The following DHX57 variants were observed in gnomAD, a reference collection of about 807,000 sequenced individuals.
DHX57 encodes DExH-box helicase 57.
A neutral mutation model predicts 156.2 loss-of-function variants in DHX57; 105 were observed. The ratio of observed to expected loss-of-function variants is 0.67; its 90% CI spans 0.57 to 0.79. The LOEUF (loss-of-function observed/expected upper bound fraction) is 0.79. Among genes scored for constraint, DHX57 ranks in the 30% least tolerant of loss-of-function variants. DHX57 has a pLI of 0.00. For synonymous variants in DHX57, 704 were observed against 595.6 expected (o/e 1.18, Z -2.65); for missense variants, 1,847 against 1,661.9 (o/e 1.11, Z -1.94).
intron 2 of DHX57, among the ~76,000 whole-genome samples, chr2:38,864,702 C>T (rs1664966188): frequency 6.6e-6 from 1 of 152,148 alleles, no homozygotes; most frequent in African/African-American, 2.4e-5. Context: ...AAGCCAAATC[C>T]TCCCTTGAGT....
intron 6 of DHX57, among the ~76,000 whole-genome samples, chr2:38,857,405 T>C (rs553712214): frequency 6.6e-6 from 1 of 152,340 alleles, no homozygotes; most frequent in African/African-American, 2.4e-5. Context: ...GGCTATACTT[T>C]TGAATACTGT....
intron 12 of DHX57, among the ~76,000 whole-genome samples, chr2:38,842,157 T>G (rs1392608840): frequency 6.6e-6 from 1 of 152,214 alleles, no homozygotes; most frequent in African/African-American, 2.4e-5. Flanking sequence ...AGATCGTTTT[T>G]GTGATGCTCC....
At chr2:38,803,428 C>T (rs933297891) in intron 22 of DHX57, among the ~76,000 whole-genome samples, 1 of 152,126 alleles carries the variant, frequency 6.6e-6, no homozygotes, top group Non-Finnish European at 1.5e-5. Flanking sequence ...TAAGTCTAGT[C>T]AGCTCTCTTT....
At chr2:38,827,211 C>G (rs1425340327) in intron 14 of DHX57, among the ~76,000 whole-genome samples, 1 of 151,622 alleles carries the variant, frequency 6.6e-6, no homozygotes, top group Non-Finnish European at 1.5e-5. Context: ...GTTCTAGGAA[C>G]CAAAAACCTC....
rs1226786553 is a variant in DHX57, at chr2:38,826,497, T to A, written c.2813+19A>T. On this transcript the variant is annotated intron_variant, in intron 15 of 23. Transcript: ENST00000457308. Reference sequence around the variant, plus strand: ...AAGCATTTTTAGCCCCTCTCTTACATCACCACAAGACGGAATACCTCTTTT... The same window carrying A: ...AAGCATTTTTAGCCCCTCTCTTACAACACCACAAGACGGAATACCTCTTTT... 1 of 1,609,000 alleles carries A rather than the reference T, an allele frequency of 6.2e-7. No homozygotes were observed. The highest frequency in any genetic ancestry group is 1.7e-4 in the Middle Eastern group (1 of 6,048).
At position 38,798,264 on chromosome 2, in the gene DHX57, G is replaced by A; in HGVS notation, c.*35C>T. 1 of 1,588,768 alleles carries A rather than the reference G, an allele frequency of 6.3e-7. No homozygotes were observed. Among genetic ancestry groups the A allele is most frequent in the South Asian group, 1.2e-5 (1 of 86,672 alleles). ...CTGTTATTTCCCAGGTGAGCTAGAAGCAGGTGAGTAGCAAGCACTCTCTAA... is the reference window on the plus strand; with the variant it reads ...CTGTTATTTCCCAGGTGAGCTAGAAACAGGTGAGTAGCAAGCACTCTCTAA... On this transcript the variant is annotated 3_prime_UTR_variant, in exon 24 of 24. Transcript: ENST00000457308.
At chr2:38,845,510 T>C (rs1171328811) in intron 11 of DHX57, among the ~76,000 whole-genome samples, 2 of 152,168 alleles carry the variant, frequency 1.3e-5, no homozygotes, top group African/African-American at 4.8e-5. Context: ...TTCTGACTTG[T>C]ATTTAAGCTG....
At chr2:38,810,693 G>T in intron 21 of DHX57, 1 of 716,382 alleles carries the variant, frequency 1.4e-6, no homozygotes, top group Non-Finnish European at 2.5e-6. Flanking sequence ...CACACTGAGG[G>T]TTGTGCCAGA....
chr2:38,858,180 G>C (rs1400622427), intron 6 of DHX57, among the ~76,000 whole-genome samples: 5 of 152,158 alleles, frequency 3.3e-5, no homozygotes, highest in African/African-American at 1.2e-4. Context: ...TTGTGCCTCA[G>C]CCTCCCAAGT....
At chr2:38,862,006 G>C in intron 4 of DHX57, 139 bp downstream of exon 4, 1 of 1,230,492 alleles carries the variant, frequency 8.1e-7, no homozygotes, top group South Asian at 1.7e-5. Flanking sequence ...GACCCCTTCT[G>C]ATAAGATAGA....
intron 1 of DHX57, among the ~76,000 whole-genome samples, chr2:38,874,783 A>T (rs1307105154): frequency 6.6e-6 from 1 of 152,214 alleles, no homozygotes; most frequent in Non-Finnish European, 1.5e-5. Flanking sequence ...GTTCATACCC[A>T]TGTTGTTCAA....
At chr2:38,874,328 C>T (rs1447322527) in intron 1 of DHX57, among the ~76,000 whole-genome samples, 1 of 151,798 alleles carries the variant, frequency 6.6e-6, no homozygotes, top group Non-Finnish European at 1.5e-5. Flanking sequence ...TGAGCTCAAG[C>T]AATCGTCTCA....
At chr2:38,836,516 G>T (rs541367090) in intron 13 of DHX57, among the ~76,000 whole-genome samples, 1 of 152,162 alleles carries the variant, frequency 6.6e-6, no homozygotes, top group African/African-American at 2.4e-5. Flanking sequence ...GCTCACGCCT[G>T]TAATCCCAGC....
intron 9 of DHX57, among the ~76,000 whole-genome samples, chr2:38,848,650 T>G (rs1207083829): frequency 1.3e-5 from 2 of 152,214 alleles, no homozygotes; most frequent in East Asian, 3.8e-4. Context: ...TTTAGAATAG[T>G]TGCATATACA....
intron 23 of DHX57, among the ~76,000 whole-genome samples, chr2:38,799,677 G>C (rs1219640946): frequency 1.3e-5 from 2 of 148,682 alleles, no homozygotes; most frequent in Admixed American, 6.8e-5. Flanking sequence ...TTGAACCCAG[G>C]AGGCAGAGGT....
At chr2:38,819,450 A>G (rs1298394297) in intron 17 of DHX57, among the ~76,000 whole-genome samples, 1 of 152,252 alleles carries the variant, frequency 6.6e-6, no homozygotes, top group African/African-American at 2.4e-5. Flanking sequence ...TGCTGGCATT[A>G]TAGGCATGAG....
intron 17 of DHX57, among the ~76,000 whole-genome samples, chr2:38,819,730 A>G (rs1194131356): frequency 6.6e-6 from 1 of 152,192 alleles, no homozygotes; most frequent in Non-Finnish European, 1.5e-5. Flanking sequence ...AGCTATATCT[A>G]AAACCTAACA....
chr2:38,837,481 C>A (rs1295385996), intron 13 of DHX57, among the ~76,000 whole-genome samples: 1 of 151,568 alleles, frequency 6.6e-6, no homozygotes, highest in African/African-American at 2.4e-5. Context: ...TGTGGTGGCA[C>A]ATGCTTGTAA....
chr2:38,809,316 G>A (rs542292546), intron 21 of DHX57, among the ~76,000 whole-genome samples: 6 of 151,420 alleles, frequency 4.0e-5, no homozygotes, highest in Admixed American at 3.3e-4. Context: ...GTAGAGACAA[G>A]TTCTCACTCT....
Sources: allele counts gnomAD v4.1 joint callset (sites outside exome capture counted in the v4.1 genomes callset), GRCh38; gene constraint gnomAD v4.1.1; transcripts MANE v1.5; gene names NCBI Gene and HGNC (gene_info 2026-07-23, HGNC 2026-07-21).